The following RAB39A variants were observed in gnomAD, a reference collection of about 807,000 sequenced individuals.
The protein encoded by RAB39A is ras-related protein Rab-39A.
Under a neutral mutation model 20.9 loss-of-function variants are expected in RAB39A, and 17 were observed. The ratio of observed to expected loss-of-function variants is 0.81; its 90% confidence interval spans 0.56 to 1.22. The LOEUF (loss-of-function observed/expected upper bound fraction) is 1.22, where lower values mean the gene tolerates loss of function less well. RAB39A is among the 50% of genes most tolerant of loss of function. The probability of loss-of-function intolerance (pLI) is 0.00; values close to 1 mark genes in which losing one functional copy is unlikely to be tolerated. For synonymous variants in RAB39A, 99 were observed against 103.4 expected, an observed-to-expected ratio of 0.96 and a Z score of 0.26; for missense variants, 234 against 270.5, an observed-to-expected ratio of 0.87 and a Z score of 0.95.
chr11:107,948,336 C>T (rs1433716428), intron 1 of RAB39A, among the ~76,000 whole-genome samples: 2 of 152,012 alleles, frequency 1.3e-5, no homozygotes, highest in African/African-American at 2.4e-5. Flanking sequence ...ATTTAGTGTT[C>T]GTATCTAATG....
intron 1 of RAB39A, among the ~76,000 whole-genome samples, chr11:107,950,239 A>G (rs1861363625): frequency 6.6e-6 from 1 of 151,916 alleles, no homozygotes; most frequent in African/African-American, 2.4e-5. Context: ...AGAGTGTGCA[A>G]TTTTCAGCCC....
intron 1 of RAB39A, among the ~76,000 whole-genome samples, chr11:107,949,209 G>C (rs1245727362): frequency 6.6e-6 from 1 of 152,068 alleles, no homozygotes; most frequent in Non-Finnish European, 1.5e-5. Flanking sequence ...TACTCGGGAG[G>C]CTGAGGCAGG....
chr11:107,961,932 T>C lies in RAB39A; in HGVS notation c.228-14T>C, dbSNP rs1335033644. ...AGTTGTCCTTATACAACCTTTTTTCTCTTCATTTTTCAGATCAATAACCCG... is the reference window on the plus strand; with the variant it reads ...AGTTGTCCTTATACAACCTTTTTTCCCTTCATTTTTCAGATCAATAACCCG... On this transcript the variant is annotated splice_polypyrimidine_tract_variant and intron_variant, in intron 1 of 1. Coordinates refer to ENST00000320578, the MANE Select transcript of RAB39A (RefSeq NM_017516.3). 6.3e-7 allele frequency: 1 copy of C among 1,588,382 alleles called. No homozygotes were observed. Among genetic ancestry groups the C allele is most frequent in the African/African-American group, 1.4e-5 (1 of 73,982 alleles).
In RAB39A at chr11:107,962,480, A is replaced by G. The variant is rs187067114; in HGVS notation, c.*108A>G. 9.8e-7 allele frequency: 1 copy of G among 1,018,794 alleles called. No individual in the cohort carries two copies. Among genetic ancestry groups the G allele is most frequent in the Non-Finnish European group, 1.4e-6 (1 of 711,208 alleles). 63.1% of individuals were successfully genotyped at this position (1,018,794 alleles called of 1,614,324 possible). On this transcript the variant is annotated 3_prime_UTR_variant, in exon 2 of 2. Coordinates refer to ENST00000320578, the MANE Select transcript of RAB39A (RefSeq NM_017516.3). Reference sequence around the variant, plus strand: ...ATGAAAGAATTTAAAAAGGTTACAAACCCACACCAATACTATTTTATAAGG... The same window carrying G: ...ATGAAAGAATTTAAAAAGGTTACAAGCCCACACCAATACTATTTTATAAGG...
At chr11:107,949,307 T>TA (rs1269859552) in intron 1 of RAB39A, among the ~76,000 whole-genome samples, 19 of 150,316 alleles carry the variant, frequency 1.3e-4, no homozygotes, top group Non-Finnish European at 7.4e-5. Context: ...AGACTCCATC[T>TA]AAAAAAAAAT....
intron 1 of RAB39A, among the ~76,000 whole-genome samples, chr11:107,949,596 T>G (rs1861354234): frequency 6.6e-6 from 1 of 152,176 alleles, no homozygotes; most frequent in African/African-American, 2.4e-5. Flanking sequence ...AAAATAATAT[T>G]GAGAAGCTGG....
At chr11:107,949,454 G>T (rs967053865) in intron 1 of RAB39A, among the ~76,000 whole-genome samples, 11 of 152,038 alleles carry the variant, frequency 7.2e-5, no homozygotes, top group Admixed American at 7.2e-4. Context: ...GAAATCATAC[G>T]AAACAAAGCC....
intron 1 of RAB39A, among the ~76,000 whole-genome samples, chr11:107,943,018 T>C (rs537276695): frequency 6.6e-6 from 1 of 152,174 alleles, no homozygotes; most frequent in East Asian, 1.9e-4. Flanking sequence ...CAAACACCTA[T>C]GGCATCAGTA....
At chr11:107,931,944 C>T (rs2134946786) in intron 1 of RAB39A, among the ~76,000 whole-genome samples, 1 of 149,072 alleles carries the variant, frequency 6.7e-6, no homozygotes, top group Non-Finnish European at 1.5e-5. Context: ...ACTGCAGCCT[C>T]CACCTCCCAG....
intron 1 of RAB39A, among the ~76,000 whole-genome samples, chr11:107,942,812 T>C (rs528461114): frequency 2.0e-5 from 3 of 152,258 alleles, no homozygotes; most frequent in South Asian, 2.1e-4. Flanking sequence ...TGTGTGTGTA[T>C]GTCTCCAGAG....
At chr11:107,941,341 T>C (rs929975350) in intron 1 of RAB39A, among the ~76,000 whole-genome samples, 1 of 152,204 alleles carries the variant, frequency 6.6e-6, no homozygotes, top group Non-Finnish European at 1.5e-5. Flanking sequence ...TAGGAACTGA[T>C]ACCTGAAAGA....
intron 1 of RAB39A, among the ~76,000 whole-genome samples, chr11:107,961,435 C>T (rs1256550226): frequency 6.6e-6 from 1 of 152,136 alleles, no homozygotes; most frequent in Non-Finnish European, 1.5e-5. Flanking sequence ...CTAATACCAC[C>T]ACATTAGGGT....
chr11:107,950,492 C>T (rs1040111275), intron 1 of RAB39A, among the ~76,000 whole-genome samples: 6 of 152,044 alleles, frequency 3.9e-5, no homozygotes, highest in Non-Finnish European at 8.8e-5. Context: ...AAAGTCTGGG[C>T]GCGGTGGCTC....
intron 1 of RAB39A, among the ~76,000 whole-genome samples, chr11:107,950,262 T>C (rs1463941417): frequency 1.3e-5 from 2 of 152,190 alleles, no homozygotes; most frequent in African/African-American, 2.4e-5. Flanking sequence ...TTCTCCCCTT[T>C]TGACTTTACA....
At chr11:107,956,047 T>C (rs141671498) in intron 1 of RAB39A, among the ~76,000 whole-genome samples, 203 of 152,268 alleles carry the variant, frequency 1.3e-3, no homozygotes, top group African/African-American at 4.6e-3. Flanking sequence ...TTAGGATGTA[T>C]GTATTTCTGA....
chr11:107,945,115 C>T (rs1267065360), intron 1 of RAB39A, among the ~76,000 whole-genome samples: 2 of 151,188 alleles, frequency 1.3e-5, no homozygotes, highest in East Asian at 2.0e-4. Flanking sequence ...CCCCAGGGGG[C>T]GGAGGTTGCA....
chr11:107,939,649 A>G (rs1401421098), intron 1 of RAB39A, among the ~76,000 whole-genome samples: 2 of 151,910 alleles, frequency 1.3e-5, no homozygotes, highest in Non-Finnish European at 2.9e-5. Flanking sequence ...AAAAGAACGT[A>G]ATGAGAGACC....
chr11:107,957,565 G>C (rs974464601), intron 1 of RAB39A, among the ~76,000 whole-genome samples: 1 of 152,206 alleles, frequency 6.6e-6, no homozygotes, highest in Non-Finnish European at 1.5e-5. Flanking sequence ...AGAACCAGCA[G>C]CTTTCTTTTA....
chr11:107,939,768 A>C (rs1281952436), intron 1 of RAB39A, among the ~76,000 whole-genome samples: 2 of 152,156 alleles, frequency 1.3e-5, no homozygotes, highest in African/African-American at 4.8e-5. Context: ...AGAAGTATTG[A>C]TATGTGGCTG....
Sources: gnomAD v4.1 joint callset for allele counts (sites outside exome capture counted in the v4.1 genomes callset) on GRCh38, gnomAD v4.1.1 for gene constraint, MANE v1.5 for transcripts, NCBI Gene and HGNC (gene_info 2026-07-23, HGNC 2026-07-21) for gene names.